TCF20: variants seen among roughly 807,000 people sequenced by gnomAD.
TCF20 encodes the protein transcription factor 20, also known as SPRE-binding protein.
In TCF20, 3 loss-of-function variants were observed where a neutral mutation model predicts 148.6. The observed-to-expected ratio is 0.02, with a 90% CI of 0.01 to 0.05. The LOEUF (loss-of-function observed/expected upper bound fraction) is 0.05, where lower values mean the gene tolerates loss of function less well. Ranked by LOEUF, TCF20 falls within the 10% of genes least tolerant of loss-of-function variation. The pLI, the probability that TCF20 is intolerant of heterozygous loss-of-function variation, is 1.00. For missense variants in TCF20, 2,350 were observed against 2,429.3 expected, an observed-to-expected ratio of 0.97 and a Z score of 0.69; for synonymous variants, 1,049 against 909.5, an observed-to-expected ratio of 1.15 and a Z score of -2.76.
chr22:42,268,882 A>C (rs1926437010), intron 1 of TCF20, among the ~76,000 whole-genome samples: 2 of 152,244 alleles, frequency 1.3e-5, no homozygotes, highest in East Asian at 3.8e-4. Context: ...AAGCTTAAAG[A>C]CAGGCTTTTA....
intron 1 of TCF20, among the ~76,000 whole-genome samples, chr22:42,282,128 A>G (rs1926915178): frequency 6.6e-6 from 1 of 152,240 alleles, no homozygotes; most frequent in African/African-American, 2.4e-5. Context: ...GACCAGCTCC[A>G]GGGGAAGGGA....
intron 1 of TCF20, among the ~76,000 whole-genome samples, chr22:42,245,542 C>T (rs1318242610): frequency 6.6e-6 from 1 of 152,156 alleles, no homozygotes; most frequent in Non-Finnish European, 1.5e-5. Flanking sequence ...TAAAAACTAA[C>T]CTTTCACCAT....
At chr22:42,267,468 C>G (rs570486488) in intron 1 of TCF20, among the ~76,000 whole-genome samples, 1 of 152,226 alleles carries the variant, frequency 6.6e-6, no homozygotes, top group East Asian at 1.9e-4. Context: ...TTTGGGGGCC[C>G]AAGGCGGGTG....
chr22:42,245,236 C>T (rs1003087704), intron 1 of TCF20, among the ~76,000 whole-genome samples: 1 of 152,106 alleles, frequency 6.6e-6, no homozygotes, highest in East Asian at 1.9e-4. Flanking sequence ...TACAGGCATG[C>T]ACCACTATGC....
chr22:42,323,294 C>T (rs1044128804), intron 1 of TCF20, among the ~76,000 whole-genome samples: 1 of 149,482 alleles, frequency 6.7e-6, no homozygotes, highest in Non-Finnish European at 1.5e-5. Flanking sequence ...GTCTGAGCCT[C>T]GTGGAAGGGT....
At chr22:42,206,237 G>A (rs546959883) in intron 2 of TCF20, among the ~76,000 whole-genome samples, 3 of 152,252 alleles carry the variant, frequency 2.0e-5, no homozygotes, top group African/African-American at 7.2e-5. Context: ...CTGTCAGATG[G>A]TCACATACAC....
Position 42,268,870 on chromosome 22 carries a change from G to A in TCF20, c.-37+1469C>T, listed in dbSNP as rs181195676. ...TTATGCTCTGTTGAAGGCAGAGGCT[G>A]GAAGCTTAAAGACAGGCTTTTAAAA... is the stretch of plus-strand genomic sequence containing the variant. On this transcript the variant is annotated intron_variant, in intron 1 of 5. Coordinates refer to ENST00000677622, the MANE Select transcript of TCF20 (RefSeq NM_001378418.1). 8.5e-5 allele frequency among the ~76,000 whole-genome samples: 13 copies of A among 152,314 alleles called. No individual in the cohort carries two copies. In the East Asian group the frequency reaches 2.5e-3, roughly 29 times the overall value.
In TCF20 at chr22:42,338,940, T is replaced by C. The variant is rs950790173; in HGVS notation, c.-37+4539A>G. Among the ~76,000 whole-genome samples, 3 of 152,114 alleles carry C rather than the reference T, an allele frequency of 2.0e-5. No homozygotes were observed. The highest frequency in any genetic ancestry group is 6.6e-5 in the Admixed American group (1 of 15,260). ...AGGGTGTCTGGTCCCATTTTTCAGA[T>C]AGGAGAGGTCATCTATATCCAGGGA... On this transcript the variant is annotated intron_variant, in intron 1 of 1. Coordinates refer to the TCF20 transcript ENST00000515426. The surrounding 1 kb of genome is among the most constrained non-coding windows in gnomAD (Gnocchi z 4.0).
rs1172368314 is a variant in TCF20, at chr22:42,160,021, A to C, written c.*1382T>G. On this transcript the variant is annotated 3_prime_UTR_variant, in exon 6 of 6. Transcript: ENST00000677622. ...GTAAACAGAAGAGGAAACAAGGTTA[A>C]AATGAAGTTTATTATTTTTTTGATT... 1 of 152,672 alleles carries C rather than the reference A, an allele frequency of 6.5e-6. No homozygotes were observed. The highest frequency in any genetic ancestry group is 1.5e-5 in the Non-Finnish European group (1 of 68,048). The allele number at this position is 152,672 out of a possible 1,614,324, so 9.5% of individuals were successfully genotyped here.
At chr22:42,341,823 A>G (rs184306320) in intron 1 of TCF20, among the ~76,000 whole-genome samples, 147 of 152,198 alleles carry the variant, frequency 9.7e-4, no homozygotes, top group African/African-American at 3.5e-3. Context: ...TGAGAGCAAT[A>G]ATGGAAGGAT....
At chr22:42,223,790 G>A (rs1465848306) in intron 1 of TCF20, among the ~76,000 whole-genome samples, 3 of 152,064 alleles carry the variant, frequency 2.0e-5, no homozygotes, top group Admixed American at 6.6e-5. Flanking sequence ...TGCAAATGTG[G>A]GATCTTCCTA....
intron 1 of TCF20, among the ~76,000 whole-genome samples, chr22:42,300,773 C>T (rs1447212346): frequency 6.6e-6 from 1 of 152,174 alleles, no homozygotes; most frequent in East Asian, 1.9e-4. Flanking sequence ...CCAGGCCTGC[C>T]TCTCTGCCTT....
chr22:42,269,159 G>A (rs567768369), intron 1 of TCF20, among the ~76,000 whole-genome samples: 1 of 152,134 alleles, frequency 6.6e-6, no homozygotes, highest in African/African-American at 2.4e-5. Context: ...CCCCACGGAA[G>A]ATGCTGTATA....
chr22:42,305,108 C>G (rs867406707), intron 1 of TCF20, among the ~76,000 whole-genome samples: 1 of 152,026 alleles, frequency 6.6e-6, no homozygotes, highest in Non-Finnish European at 1.5e-5. Context: ...CTAAATAACC[C>G]CCTGGAGCCC....
intron 1 of TCF20, among the ~76,000 whole-genome samples, chr22:42,220,089 G>A (rs927660761): frequency 9.2e-5 from 14 of 152,130 alleles, no homozygotes; most frequent in Non-Finnish European, 1.9e-4. Context: ...GAGGGCTGAT[G>A]ACCTTGCCCT....
intron 1 of TCF20, among the ~76,000 whole-genome samples, chr22:42,310,596 T>C (rs939741092): frequency 1.6e-4 from 25 of 151,848 alleles, no homozygotes; most frequent in Non-Finnish European, 1.9e-4. Context: ...GAAAGGAGTA[T>C]GGCTCGTGGA....
At chr22:42,222,451 ACTTTCTTTTG>A (rs1459868264) in intron 1 of TCF20, among the ~76,000 whole-genome samples, 1 of 151,982 alleles carries the variant, frequency 6.6e-6, no homozygotes, top group Non-Finnish European at 1.5e-5. Context: ...CTTTCCCAGT[ACTTTCTTTTG>A]CTTAACTGCC....
intron 4 of TCF20, 147 bp from the exon 5 acceptor site, chr22:42,168,883 C>G: frequency 8.7e-7 from 1 of 1,153,318 alleles, no homozygotes; most frequent in Non-Finnish European, 1.2e-6. Context: ...GACATTCAGA[C>G]AGGGTTTTCT....
chr22:42,166,173 G>T (rs912984755), intron 5 of TCF20, among the ~76,000 whole-genome samples: 7 of 152,206 alleles, frequency 4.6e-5, no homozygotes, highest in Admixed American at 3.9e-4. Flanking sequence ...AGATGGACAG[G>T]ACTGGATGCA....
Sources: gnomAD v4.1 joint callset for allele counts (sites outside exome capture counted in the v4.1 genomes callset) on GRCh38, gnomAD v4.1.1 for gene constraint, Gnocchi (gnomAD v3.1) non-coding constraint, MANE v1.5 for transcripts, NCBI Gene and HGNC (gene_info 2026-07-23, HGNC 2026-07-21) for gene names.